ANKRD31: variants seen among roughly 807,000 people sequenced by gnomAD.
The protein encoded by ANKRD31 is ankyrin repeat domain-containing protein 31.
A neutral mutation model predicts 186.0 loss-of-function variants in ANKRD31; 147 were observed. That is an observed-to-expected ratio of 0.79 (90% CI 0.69 to 0.91). The LOEUF (loss-of-function observed/expected upper bound fraction) is 0.91, where lower values mean the gene tolerates loss of function less well. ANKRD31 is among the 40% of genes least tolerant of loss of function. The pLI is 0.00. For missense variants in ANKRD31, 1,986 were observed against 2,148.8 expected (o/e 0.92, Z 1.50); for synonymous variants, 673 against 736.4 (o/e 0.91, Z 1.39).
intron 25 of ANKRD31, among the ~76,000 whole-genome samples, chr5:75,079,920 T>C (rs1194479499): frequency 2.0e-5 from 3 of 151,894 alleles, no homozygotes; most frequent in African/African-American, 7.3e-5. Context: ...CTGGGCAACA[T>C]GGTGAAACTC....
At chr5:75,110,508 G>A (rs986078979) in intron 20 of ANKRD31, among the ~76,000 whole-genome samples, 7 of 151,924 alleles carry the variant, frequency 4.6e-5, no homozygotes, top group Admixed American at 2.6e-4. Flanking sequence ...TCAAGAGATC[G>A]AGACCATCCT....
chr5:75,114,038 C>T (rs1050882696), intron 19 of ANKRD31, among the ~76,000 whole-genome samples: 7 of 152,158 alleles, frequency 4.6e-5, no homozygotes, highest in African/African-American at 1.7e-4. Flanking sequence ...GAGGATGCTA[C>T]CTTGGTTAAG....
chr5:75,129,311 A>G (rs1416507587), intron 17 of ANKRD31, among the ~76,000 whole-genome samples: 1 of 152,186 alleles, frequency 6.6e-6, no homozygotes, highest in East Asian at 1.9e-4. Context: ...TTTTCTTCAT[A>G]AAGCACCCAG....
chr5:75,220,398 T>C (rs1757213134), intron 3 of ANKRD31, among the ~76,000 whole-genome samples: 1 of 152,054 alleles, frequency 6.6e-6, no homozygotes, highest in African/African-American at 2.4e-5. Flanking sequence ...CCCAGCACTT[T>C]GGAGGCTGAG....
intron 11 of ANKRD31, among the ~76,000 whole-genome samples, chr5:75,157,699 C>T (rs1345162663): frequency 6.6e-6 from 1 of 152,132 alleles, no homozygotes; most frequent in African/African-American, 2.4e-5. Flanking sequence ...TGTCTAGTGG[C>T]ATGAATCCCT....
chr5:75,235,924 G>C (rs993692800), intron 1 of ANKRD31, among the ~76,000 whole-genome samples: 2 of 152,160 alleles, frequency 1.3e-5, no homozygotes, highest in Admixed American at 6.5e-5. Flanking sequence ...AAGGGGGCAG[G>C]AGAATCCTGG....
chr5:75,179,124 G>C (rs1053997979), intron 10 of ANKRD31, among the ~76,000 whole-genome samples: 7 of 152,078 alleles, frequency 4.6e-5, no homozygotes, highest in Non-Finnish European at 7.4e-5. Context: ...AAATAAACTA[G>C]AAAATCTAGA....
At chr5:75,236,168 T>C (rs1758261887) in intron 1 of ANKRD31, among the ~76,000 whole-genome samples, 2 of 152,176 alleles carry the variant, frequency 1.3e-5, no homozygotes, top group African/African-American at 4.8e-5. Context: ...AGTTTCCCCA[T>C]CACACATTCT....
chr5:75,197,735 A>C (rs1315704495), intron 6 of ANKRD31, among the ~76,000 whole-genome samples: 1 of 152,188 alleles, frequency 6.6e-6, no homozygotes, highest in African/African-American at 2.4e-5. Flanking sequence ...GTCTTAAAGC[A>C]ATTTATTTCT....
chr5:75,072,334 G>C (rs894244132), intron 25 of ANKRD31, among the ~76,000 whole-genome samples: 2 of 151,538 alleles, frequency 1.3e-5, no homozygotes, highest in African/African-American at 4.8e-5. Flanking sequence ...TCCTTAAGGG[G>C]ACAGACAGCT....
chr5:75,105,306 C>A (rs1389932999), intron 21 of ANKRD31, 88 bp from the exon 22 acceptor site: 34 of 1,312,870 alleles, frequency 2.6e-5, no homozygotes, highest in African/African-American at 9.0e-5. Flanking sequence ...TACTTTGTCT[C>A]CAAATTTTAA....
chr5:75,120,913 G>A (rs1349622928), intron 17 of ANKRD31, among the ~76,000 whole-genome samples: 5 of 152,092 alleles, frequency 3.3e-5, no homozygotes, highest in South Asian at 2.1e-4. Context: ...TAAAGGGTGC[G>A]GTGGCTCACG....
At chr5:75,199,497 T>C in intron 6 of ANKRD31, 134 bp downstream of exon 6, 1 of 509,518 alleles carries the variant, frequency 2.0e-6, no homozygotes, top group Non-Finnish European at 3.2e-6. Context: ...TAGACAAGAA[T>C]AGATTTTTAT....
chr5:75,152,222 A>G (rs1751887024), intron 12 of ANKRD31, among the ~76,000 whole-genome samples: 1 of 152,062 alleles, frequency 6.6e-6, no homozygotes. Flanking sequence ...TTCAGCCTTA[A>G]GTTGATTACT....
intron 5 of ANKRD31, among the ~76,000 whole-genome samples, chr5:75,204,859 G>C (rs1349482899): frequency 1.3e-5 from 2 of 152,158 alleles, no homozygotes; most frequent in African/African-American, 4.8e-5. Flanking sequence ...AAAATGCACA[G>C]ATATTAACAG....
chr5:75,192,318 T>G (rs1374540128), intron 9 of ANKRD31, among the ~76,000 whole-genome samples: 1 of 152,166 alleles, frequency 6.6e-6, no homozygotes, highest in Admixed American at 6.6e-5. Context: ...AGAAATAAGA[T>G]CTAAGAATAA....
intron 17 of ANKRD31, among the ~76,000 whole-genome samples, chr5:75,122,705 G>A (rs897314515): frequency 6.6e-6 from 1 of 152,034 alleles, no homozygotes; most frequent in African/African-American, 2.4e-5. Flanking sequence ...AATAGATGTG[G>A]AAAAAGCATT....
Position 75,087,678 on chromosome 5 carries a change from A to C in ANKRD31, c.5473-3304T>G, listed in dbSNP as rs549527626. The stretch of plus-strand genomic sequence containing the variant: ...ATCTCAGGGTGGAAAAAGCAAAGAA[A>C]CCAATAAAAAACTGTAGGTTTTCTT... On this transcript the variant is annotated intron_variant, in intron 23 of 25. Coordinates refer to ENST00000506364, the MANE Select transcript of ANKRD31 (RefSeq NM_001372053.1). Among the ~76,000 whole-genome samples the C allele has an allele frequency of 9.2e-5, 14 of 151,762 alleles. No homozygotes were observed. The East Asian group carries it at 2.7e-3, about 29-fold the overall frequency.
chr5:75,198,733 A>G (rs1215843648), intron 6 of ANKRD31, among the ~76,000 whole-genome samples: 1 of 152,226 alleles, frequency 6.6e-6, no homozygotes, highest in Non-Finnish European at 1.5e-5. Context: ...CAGAAATTAA[A>G]GATTTGTGGA....
Sources: allele counts gnomAD v4.1 joint callset (sites outside exome capture counted in the v4.1 genomes callset), GRCh38; gene constraint gnomAD v4.1.1; transcripts MANE v1.5; gene names NCBI Gene and HGNC (gene_info 2026-07-23, HGNC 2026-07-21).